The following FOXJ3 variants were observed in gnomAD, a reference collection of about 807,000 sequenced individuals.
The protein encoded by FOXJ3 is forkhead box J3, also known as forkhead box protein J3.
Under a neutral mutation model 76.1 loss-of-function variants are expected in FOXJ3, and 22 were observed. The ratio of observed to expected loss-of-function variants is 0.29; its 90% CI spans 0.21 to 0.41. The LOEUF is 0.41. Among genes scored for constraint, FOXJ3 ranks in the 10% least tolerant of loss-of-function variants. The probability of loss-of-function intolerance (pLI) is 1.00; values close to 1 mark genes in which losing one functional copy is unlikely to be tolerated. For missense variants in FOXJ3, 613 were observed against 762.1 expected (o/e 0.80, Z 2.30); for synonymous variants, 269 against 261.2 (o/e 1.03, Z -0.29).
chr1:42,319,287 T>C (rs1197890908), intron 1 of FOXJ3, among the ~76,000 whole-genome samples: 3 of 152,200 alleles, frequency 2.0e-5, no homozygotes, highest in Non-Finnish European at 4.4e-5. Flanking sequence ...AACTGATGAA[T>C]GGATGTGTTA....
At chr1:42,285,466 A>G (rs1317945228) in intron 2 of FOXJ3, among the ~76,000 whole-genome samples, 2 of 152,160 alleles carry the variant, frequency 1.3e-5, no homozygotes, top group African/African-American at 4.8e-5. Context: ...CGAAGGAGCA[A>G]AAAGTCTAGA....
rs75320542 is a variant in FOXJ3 at position 42,191,599 on chromosome 1, C to T, written c.1055G>A (p.Ser352Asn). 1.8e-3 allele frequency: 2,973 copies of T among 1,614,112 alleles called. 45 individuals carry two copies. In the African/African-American group the frequency reaches 0.034, roughly 19 times the overall value. Residue 352 changes from serine to asparagine, a missense_variant, in exon 9 of 13, where the codon AGT becomes AAT. Physicochemically the swap from Ser to Asn is conservative, Grantham distance 46. Coordinates refer to ENST00000361346, the MANE Select transcript of FOXJ3 (RefSeq NM_014947.5). Reference sequence around the variant, plus strand: ...TGTGGTGTTGAGGCCACTGCCATGACTGTTGGACAGGCTGCTTTGGTTGCT... The same window carrying T: ...TGTGGTGTTGAGGCCACTGCCATGATTGTTGGACAGGCTGCTTTGGTTGCT... ...PHSNQSSLSN[S>N]HGSGLNTTGS...
chr1:42,217,350 G>A lies in FOXJ3; in HGVS notation c.528+10533C>T, dbSNP rs1334080381. Among the ~76,000 whole-genome samples the A allele has an allele frequency of 5.3e-5, 8 of 152,048 alleles. No individual in the cohort carries two copies. In the East Asian group the frequency reaches 5.8e-4, roughly 11 times the overall value. Reference sequence around the variant, plus strand: ...TCAAGACCATCCTGGCCAACATGGCGAAACCCCATCTCTACTAAAAACACA... The same window carrying A: ...TCAAGACCATCCTGGCCAACATGGCAAAACCCCATCTCTACTAAAAACACA... On this transcript the variant is annotated intron_variant, in intron 5 of 12. Coordinates refer to ENST00000361346, the MANE Select transcript of FOXJ3 (RefSeq NM_014947.5).
At chr1:42,200,140 G>C (rs952106478) in intron 6 of FOXJ3, among the ~76,000 whole-genome samples, 1 of 151,704 alleles carries the variant, frequency 6.6e-6, no homozygotes, top group Non-Finnish European at 1.5e-5. Context: ...ACCACACTTT[G>C]AGAACCACTG....
At chr1:42,194,246 T>C (rs1294493644) in intron 8 of FOXJ3, among the ~76,000 whole-genome samples, 1 of 152,226 alleles carries the variant, frequency 6.6e-6, no homozygotes, top group East Asian at 1.9e-4. Context: ...GAAAAGATAC[T>C]GTGACATTTT....
chr1:42,263,930 CTTTTTTTTTTTTTTTTT>C (rs61375062), intron 4 of FOXJ3, among the ~76,000 whole-genome samples: 3 of 71,454 alleles, frequency 4.2e-5, no homozygotes, highest in African/African-American at 1.0e-4. Context: ...AGTAGGTTAA[CTTTTTTTTTTTTTTTTT>C]TTTTTTTTTT....
chr1:42,264,018 T>C (rs984731089), intron 4 of FOXJ3, among the ~76,000 whole-genome samples: 2 of 141,794 alleles, frequency 1.4e-5, no homozygotes, highest in Admixed American at 7.9e-5. Context: ...GCCCAGCCAT[T>C]GAGAGTCCAA....
intron 2 of FOXJ3, among the ~76,000 whole-genome samples, chr1:42,282,045 C>T (rs368312656): frequency 3.4e-5 from 5 of 146,924 alleles, no homozygotes; most frequent in Non-Finnish European, 5.9e-5. Context: ...GGCAACAGAG[C>T]GAGACTCAGT....
In FOXJ3 at chr1:42,311,113, G is replaced by A. The variant is rs1471707907; in HGVS notation, c.-17-3C>T. 1.3e-6 allele frequency: 2 copies of A among 1,584,608 alleles called. No individual in the cohort carries two copies. The highest frequency in any genetic ancestry group is 1.7e-6 in the Non-Finnish European group (2 of 1,166,886). ...ACCCATCTGGCCACAAAGAGAATCT[G>A]AAAAGCAAAGAAGAGTTAGTTATCA... On this transcript the variant is annotated splice_region_variant and splice_polypyrimidine_tract_variant and intron_variant, in intron 1 of 12. Coordinates refer to ENST00000361346, the MANE Select transcript of FOXJ3 (RefSeq NM_014947.5).
chr1:42,327,998 C>G (rs753779701), intron 1 of FOXJ3, among the ~76,000 whole-genome samples: 2 of 152,168 alleles, frequency 1.3e-5, no homozygotes, highest in African/African-American at 2.4e-5. Flanking sequence ...GAGAGACTCT[C>G]TAAAAATTCC....
intron 8 of FOXJ3, among the ~76,000 whole-genome samples, chr1:42,193,125 T>C (rs952220973): frequency 2.0e-5 from 3 of 152,106 alleles, no homozygotes; most frequent in Non-Finnish European, 2.9e-5. Flanking sequence ...AGAAGCCCAA[T>C]ATATAAAACT....
intron 2 of FOXJ3, among the ~76,000 whole-genome samples, chr1:42,291,091 C>CAGACAGAT (rs1553167270): frequency 6.7e-6 from 1 of 149,152 alleles, no homozygotes. Context: ...GATAGACAGA[C>CAGACAGAT]AGACAGACAG....
At chr1:42,234,736 G>A (rs1190869987) in intron 4 of FOXJ3, among the ~76,000 whole-genome samples, 2 of 152,150 alleles carry the variant, frequency 1.3e-5, no homozygotes, top group Non-Finnish European at 2.9e-5. Context: ...AGCAAATGTT[G>A]CTGCCTGACC....
chr1:42,331,899 A>C (rs1441158576), intron 1 of FOXJ3, among the ~76,000 whole-genome samples: 1 of 152,200 alleles, frequency 6.6e-6, no homozygotes, highest in Non-Finnish European at 1.5e-5. Flanking sequence ...TTGGAACATA[A>C]GTTTGTTTCT....
chr1:42,329,426 T>A (rs1656026091), intron 1 of FOXJ3, among the ~76,000 whole-genome samples: 1 of 152,254 alleles, frequency 6.6e-6, no homozygotes, highest in African/African-American at 2.4e-5. Context: ...GGTCAAATTT[T>A]GTGACAGTTG....
chr1:42,257,515 A>G (rs1396003764), intron 4 of FOXJ3, among the ~76,000 whole-genome samples: 1 of 152,182 alleles, frequency 6.6e-6, no homozygotes, highest in African/African-American at 2.4e-5. Context: ...CAGGAGTTCG[A>G]GACCAGCCTG....
intron 4 of FOXJ3, among the ~76,000 whole-genome samples, chr1:42,250,173 C>T (rs1649905644): frequency 6.6e-6 from 1 of 152,192 alleles, no homozygotes; most frequent in Admixed American, 6.5e-5. Flanking sequence ...TGGAAAGTGA[C>T]ATAGTATTTT....
At chr1:42,185,325 T>C (rs544817548) in intron 11 of FOXJ3, among the ~76,000 whole-genome samples, 3 of 148,024 alleles carry the variant, frequency 2.0e-5, no homozygotes, top group African/African-American at 7.6e-5. Context: ...TGGCGCGATC[T>C]TGGCTCACTG....
At chr1:42,250,410 T>C (rs1474603837) in intron 4 of FOXJ3, among the ~76,000 whole-genome samples, 1 of 152,168 alleles carries the variant, frequency 6.6e-6, no homozygotes, top group Non-Finnish European at 1.5e-5. Flanking sequence ...TATGCATGTT[T>C]CATGTCCAGG....
Sources: allele counts gnomAD v4.1 joint callset (sites outside exome capture counted in the v4.1 genomes callset), GRCh38; gene constraint gnomAD v4.1.1; transcripts MANE v1.5; gene names NCBI Gene and HGNC (gene_info 2026-07-23, HGNC 2026-07-21).